Variants in PLBD1 observed in about 807,000 individuals in gnomAD.
PLBD1 encodes phospholipase B domain containing 1.
A neutral mutation model predicts 63.0 loss-of-function variants in PLBD1; 60 were observed. The ratio of observed to expected loss-of-function variants is 0.95; its 90% CI spans 0.77 to 1.18. The LOEUF (loss-of-function observed/expected upper bound fraction) is 1.18. Among genes scored for constraint, PLBD1 ranks in the 50% most tolerant of loss-of-function variants. The probability of loss-of-function intolerance (pLI) is 0.00; values close to 1 mark genes in which losing one functional copy is unlikely to be tolerated. For missense variants in PLBD1, 598 were observed against 677.9 expected, an observed-to-expected ratio of 0.88 and a Z score of 1.31; for synonymous variants, 262 against 248.0, an observed-to-expected ratio of 1.06 and a Z score of -0.53.
chr12:14,553,964 C>T (rs1212793677), intron 1 of PLBD1: 2 of 160,222 alleles, frequency 1.2e-5, no homozygotes, highest in African/African-American at 4.8e-5. Context: ...AGATTGCCCT[C>T]ACTTCCAACG....
Position 14,511,267 on chromosome 12 carries a change from TAGA to T in PLBD1, c.1176_1178del (p.Leu393del), listed in dbSNP as rs1945296240. ...ACGACATGAAGAAAGTACCTTTCCGTAGAACATCAGTTTGTTCAGAATATTCTA... is the reference window on the plus strand; with the variant it reads ...ACGACATGAAGAAAGTACCTTTCCGTACATCAGTTTGTTCAGAATATTCTA... On this transcript the variant is annotated inframe_deletion, in exon 8 of 11. Coordinates refer to ENST00000240617, the MANE Select transcript of PLBD1 (RefSeq NM_024829.6). 1.9e-6 allele frequency: 3 copies of T among 1,591,994 alleles called. No individual in the cohort carries two copies. Among genetic ancestry groups the T allele is most frequent in the Non-Finnish European group, 2.6e-6 (3 of 1,172,238 alleles).
In PLBD1 at chr12:14,511,705, A is replaced by G. The variant is rs767850344; in HGVS notation, c.851T>C (p.Leu284Ser). The change falls in exon 7 of 11, where the codon TTG becomes TCG. Residue 284 changes from leucine to serine, a missense_variant. Physicochemically the swap from Leu to Ser is moderately radical, Grantham distance 145. Transcript: ENST00000240617. ...AATGTAAAAATCATCCAGAGACTCCAAAAACCCTACAGGAAAGACAAATAT... is the reference window on the plus strand; with the variant it reads ...AATGTAAAAATCATCCAGAGACTCCGAAAACCCTACAGGAAAGACAAATAT... The part of the protein sequence containing the change: ...RLSFSSYPGF[L>S]ESLDDFYILS... 3 of 1,613,374 alleles carry G rather than the reference A, an allele frequency of 1.9e-6. No individual in the cohort carries two copies. The South Asian group carries it at 3.3e-5, about 18-fold the overall frequency.
intron 6 of PLBD1, among the ~76,000 whole-genome samples, chr12:14,512,279 GC>G (rs1945304417): frequency 6.6e-6 from 1 of 151,872 alleles, no homozygotes; most frequent in Non-Finnish European, 1.5e-5. Flanking sequence ...CTCCTGAGTA[GC>G]TGGGGTTACA....
chr12:14,560,403 AG>A (rs1945736356), intron 1 of PLBD1, among the ~76,000 whole-genome samples: 2 of 152,224 alleles, frequency 1.3e-5, no homozygotes, highest in Non-Finnish European at 2.9e-5. Context: ...AATGAGAAAG[AG>A]ATCAAGCAAA....
intron 1 of PLBD1, among the ~76,000 whole-genome samples, chr12:14,564,643 G>A (rs973797967): frequency 1.3e-5 from 2 of 152,228 alleles, no homozygotes; most frequent in Non-Finnish European, 2.9e-5. Context: ...TAAGTCTGAT[G>A]AATAGACTTG....
At chr12:14,506,375 C>T in intron 9 of PLBD1, 107 bp from the exon 10 acceptor site, 1 of 766,296 alleles carries the variant, frequency 1.3e-6, no homozygotes. Context: ...AGAGAGTGTA[C>T]TCCCACAGGC....
chr12:14,537,673 C>T (rs187477117), intron 4 of PLBD1, among the ~76,000 whole-genome samples: 105 of 152,188 alleles, frequency 6.9e-4, no homozygotes, highest in Non-Finnish European at 1.4e-3. Flanking sequence ...GGAGCAGGTC[C>T]GGGTTAGGCA....
intron 6 of PLBD1, among the ~76,000 whole-genome samples, chr12:14,526,150 A>C (rs897085917): frequency 6.6e-5 from 10 of 152,176 alleles, no homozygotes; most frequent in African/African-American, 2.4e-4. Context: ...TAAATATATA[A>C]ATATTTACAG....
In PLBD1 at chr12:14,536,635, T is replaced by C. The variant is rs1406558515; in HGVS notation, c.634A>G (p.Thr212Ala). Reference sequence around the variant, plus strand: ...AAAACCTTTAGGCTGCCGTTTTTTGTGGGAGAGAGTGAGGGAATCAGATCC... The same window carrying C: ...AAAACCTTTAGGCTGCCGTTTTTTGCGGGAGAGAGTGAGGGAATCAGATCC... ...LLDLIPSLSP[T>A]KNGSLKVFKR... Residue 212 changes from threonine to alanine, a missense_variant, in exon 5 of 11, where the codon ACA becomes GCA. Coordinates refer to ENST00000240617, the MANE Select transcript of PLBD1 (RefSeq NM_024829.6). 2.5e-6 allele frequency: 4 copies of C among 1,614,182 alleles called. No homozygotes were observed. In the Admixed American group the frequency reaches 6.7e-5, roughly 27 times the overall value.
chr12:14,523,454 A>G (rs1945392679), intron 6 of PLBD1, among the ~76,000 whole-genome samples: 2 of 146,792 alleles, frequency 1.4e-5, no homozygotes, highest in African/African-American at 4.9e-5. Flanking sequence ...TACCAATGAC[A>G]TTCTTCATAG....
chr12:14,553,530 T>C, intron 1 of PLBD1, 118 bp from the exon 2 acceptor site: 3 of 833,134 alleles, frequency 3.6e-6, no homozygotes, highest in Non-Finnish European at 5.6e-6. Context: ...TCTATTAGAA[T>C]TGGGAAATCT....
chr12:14,540,895 C>G lies in PLBD1; in HGVS notation c.427G>C (p.Asp143His). The G allele has an allele frequency of 6.3e-7, 1 of 1,595,758 alleles. No homozygotes were observed. Among genetic ancestry groups the G allele is most frequent in the East Asian group, 2.2e-5 (1 of 44,552 alleles). Residue 143 changes from aspartate to histidine, a missense_variant, in exon 4 of 11, where the codon GAT becomes CAT. Physicochemically the swap from Asp to His is moderately conservative, Grantham distance 81 (BLOSUM62 -1). Transcript: ENST00000240617. The stretch of plus-strand genomic sequence containing the variant: ...TTGATATTTTTCCGGGTCCACTTAT[C>G]TTGCTTCCTGGAAGAGAAATTAGAT... ...DKVQDFMEKQ[D>H]KWTRKNIKEY...
intron 6 of PLBD1, among the ~76,000 whole-genome samples, chr12:14,512,906 G>A (rs1945309628): frequency 6.6e-6 from 1 of 152,174 alleles, no homozygotes. Flanking sequence ...TAGACACTGA[G>A]TCTTCCAGTC....
rs190392892 is a variant in PLBD1 at position 14,538,890 on chromosome 12, G to T, written c.558+1874C>A. ...AAAATACAAAAATTAGCCGGGCATG[G>T]TGGCGCATGCTTGTAATCCCAGCTA... On this transcript the variant is annotated intron_variant, in intron 4 of 10. Transcript: ENST00000240617. Among the ~76,000 whole-genome samples the T allele has an allele frequency of 1.8e-3, 269 of 152,224 alleles. 1 individual carries two copies. Among genetic ancestry groups the T allele is most frequent in the Non-Finnish European group, 2.9e-3 (198 of 68,016 alleles).
At chr12:14,559,995 G>T (rs1945733694) in intron 1 of PLBD1, among the ~76,000 whole-genome samples, 1 of 151,932 alleles carries the variant, frequency 6.6e-6, no homozygotes, top group African/African-American at 2.4e-5. Flanking sequence ...CAAGTTGCTG[G>T]GATTACAGGC....
intron 2 of PLBD1, among the ~76,000 whole-genome samples, chr12:14,552,176 A>G (rs1304299388): frequency 6.6e-6 from 1 of 152,182 alleles, no homozygotes; most frequent in Non-Finnish European, 1.5e-5. Context: ...GCACTCAACA[A>G]TCTAGGTCAC....
intron 2 of PLBD1, among the ~76,000 whole-genome samples, chr12:14,546,743 C>T (rs1945619392): frequency 6.6e-6 from 1 of 152,130 alleles, no homozygotes; most frequent in Admixed American, 6.5e-5. Context: ...TGGGAAAATC[C>T]TTAAACAGAG....
intron 9 of PLBD1, 149 bp from the exon 10 acceptor site, chr12:14,506,417 C>T (rs1945256766): frequency 1.6e-6 from 1 of 607,902 alleles, no homozygotes; most frequent in Admixed American, 3.3e-5. Context: ...CAGATAGAGA[C>T]ATCTCCCTTG....
At chr12:14,511,798 T>C (rs1945300510) in intron 6 of PLBD1, 87 bp from the exon 7 acceptor site, 1 of 1,287,426 alleles carries the variant, frequency 7.8e-7, no homozygotes, top group African/African-American at 1.5e-5. Flanking sequence ...ACATACACAA[T>C]GCATTTTGCA....
Sources: gnomAD v4.1 joint callset for allele counts (sites outside exome capture counted in the v4.1 genomes callset) on GRCh38, gnomAD v4.1.1 for gene constraint, MANE v1.5 for transcripts, NCBI Gene and HGNC (gene_info 2026-07-23, HGNC 2026-07-21) for gene names.